PHLDB1: variants seen among roughly 807,000 people sequenced by gnomAD.
PHLDB1 encodes the protein pleckstrin homology like domain family B member 1.
Under a neutral mutation model 139.3 loss-of-function variants are expected in PHLDB1, and 65 were observed. The ratio of observed to expected loss-of-function variants is 0.47; its 90% CI spans 0.38 to 0.57. The LOEUF is 0.57. Among genes scored for constraint, PHLDB1 ranks in the 20% least tolerant of loss-of-function variants. The probability of loss-of-function intolerance (pLI) is 0.00; values close to 1 mark genes in which losing one functional copy is unlikely to be tolerated. For synonymous variants in PHLDB1, 679 were observed against 734.5 expected, an observed-to-expected ratio of 0.92 and a Z score of 1.22; for missense variants, 1,624 against 1,839.7, an observed-to-expected ratio of 0.88 and a Z score of 2.14.
At chr11:118,634,884 CCT>C (rs1945368318) in intron 9 of PHLDB1, 1 of 411,534 alleles carries the variant, frequency 2.4e-6, no homozygotes, top group African/African-American at 2.1e-5. Context: ...CTGTTTCTCC[CCT>C]GTGCCCCGCC....
In PHLDB1 at chr11:118,650,299, A is replaced by G; in HGVS notation, c.3771+106A>G. The G allele has an allele frequency of 9.8e-7, 1 of 1,018,514 alleles. No individual in the cohort carries two copies. The allele number at this position is 1,018,514 out of a possible 1,614,324, so 63.1% of individuals were successfully genotyped here. On this transcript the variant is annotated intron_variant, in intron 19 of 22. Transcript: ENST00000600882. This position sits in a 1 kb window ranked among gnomAD's most constrained non-coding sequence, Gnocchi z 4.7. ...GTGGCGTCAGTCTCTACCCTCACCT[A>G]ACCAGATCTCTGTCCCAGGACCTGG...
intron 4 of PHLDB1, 58 bp from the exon 5 acceptor site, chr11:118,624,876 T>C (rs1943582370): frequency 6.3e-7 from 1 of 1,584,388 alleles, no homozygotes; most frequent in Admixed American, 1.7e-5. Flanking sequence ...TCCAAAAGTG[T>C]TGGGATTACA....
chr11:118,619,266 C>T (rs1285604083), intron 4 of PHLDB1, among the ~76,000 whole-genome samples: 1 of 152,144 alleles, frequency 6.6e-6, no homozygotes, highest in Non-Finnish European at 1.5e-5. Flanking sequence ...GCATTTCCTC[C>T]GAGCCCTGGT....
intron 17 of PHLDB1, chr11:118,646,791 A>T (rs1055349576): frequency 2.0e-5 from 3 of 152,236 alleles, no homozygotes; most frequent in African/African-American, 7.2e-5. Flanking sequence ...TGGGACGCAG[A>T]GAGTAAGGTC....
chr11:118,640,074 C>CAGCT (rs1946269745), intron 12 of PHLDB1: 1 of 807,864 alleles, frequency 1.2e-6, no homozygotes, highest in Non-Finnish European at 1.5e-6. Flanking sequence ...CCCCTGCCTA[C>CAGCT]AGCTCCTCCC....
In PHLDB1 at chr11:118,655,299, G is replaced by C. The variant is rs79053924; in HGVS notation, c.3875-306G>C. ...CAATTTATACTCCCACATGTCATTA[G>C]ACTGCCTCCTTCACCATAGACTTGC... On this transcript the variant is annotated intron_variant, in intron 20 of 22. Coordinates refer to ENST00000600882, the MANE Select transcript of PHLDB1 (RefSeq NM_001144758.3). 2.4e-3 allele frequency: 563 copies of C among 237,752 alleles called. 3 individuals carry two copies. The highest frequency in any genetic ancestry group is 0.012 in the African/African-American group (524 of 44,946). 14.7% of individuals were successfully genotyped at this position (237,752 alleles called of 1,614,324 possible). A position where few individuals can be genotyped will look rare whatever the true frequency, so the allele number is the denominator to read the frequency against.
At chr11:118,633,696 A>G (rs1555113050) in intron 9 of PHLDB1, 2 of 152,212 alleles carry the variant, frequency 1.3e-5, no homozygotes, top group South Asian at 4.1e-4. Context: ...TGAGCCACCT[A>G]TAACACAGGG....
chr11:118,638,813 G>T, intron 10 of PHLDB1, 78 bp from the exon 11 acceptor site: 1 of 1,071,296 alleles, frequency 9.3e-7, no homozygotes. Context: ...GAGTGTCTGG[G>T]CAGGAGAGCC....
In PHLDB1 at chr11:118,647,955, A is replaced by C. The variant is rs532012059; in HGVS notation, c.3533A>C (p.Gln1178Pro). The C allele has an allele frequency of 3.3e-5, 53 of 1,583,790 alleles. No individual in the cohort carries two copies. In the East Asian group the frequency reaches 1.1e-3, roughly 32 times the overall value. Reference protein sequence around the residue: ...SREREMELRRQALEEERRRRE... With the variant: ...SREREMELRRPALEEERRRRE... ...GAGCGGGAGATGGAGCTGCGGCGGC[A>C]GGCCCTGGAGGAGGAGCGGCGGAGG... The change falls in exon 18 of 23, where the codon CAG becomes CCG. Residue 1178 changes from glutamine to proline, a missense_variant. Transcript: ENST00000600882.
intron 13 of PHLDB1, 60 bp downstream of exon 13, chr11:118,642,454 C>G: frequency 6.5e-7 from 1 of 1,546,866 alleles, no homozygotes; most frequent in African/African-American, 1.3e-5. Flanking sequence ...TCTGATACCT[C>G]CTGCCAATCC....
Position 118,639,162 on chromosome 11 carries a change from GAGA to G in PHLDB1, c.2650_2652del (p.Lys884del), listed in dbSNP as rs782112381. The G allele has an allele frequency of 6.8e-6, 11 of 1,614,044 alleles. 1 individual carries two copies. The highest frequency in any genetic ancestry group is 7.6e-6 in the Non-Finnish European group (9 of 1,179,876). ...TGACTCTGCCATTCTGGGCTCGCAG[GAGA>G]AGGAGAAGCTGACTGTGCTGGAAAG... On this transcript the variant is annotated inframe_deletion and splice_region_variant, in exon 12 of 23. Coordinates refer to ENST00000600882, the MANE Select transcript of PHLDB1 (RefSeq NM_001144758.3).
At chr11:118,613,359 A>C (rs1396914146) in intron 1 of PHLDB1, 1 of 987,170 alleles carries the variant, frequency 1.0e-6, no homozygotes, top group East Asian at 1.1e-4. Context: ...AGGTTGCAGG[A>C]GGGAGCTCCT....
At position 118,656,850 on chromosome 11, in the gene PHLDB1, A is replaced by G; in HGVS notation, c.*27A>G. 1 of 1,589,042 alleles carries G rather than the reference A, an allele frequency of 6.3e-7. No homozygotes were observed. The highest frequency in any genetic ancestry group is 8.6e-7 in the Non-Finnish European group (1 of 1,161,418). On this transcript the variant is annotated 3_prime_UTR_variant, in exon 23 of 23. Transcript: ENST00000600882. ...TGCCGTGGGCCTCCTGGCAGAGCAC[A>G]ACTGGGGCTTTTGTATAAGAAGACT...
At chr11:118,625,202 G>GC in intron 5 of PHLDB1, 143 bp downstream of exon 5, 1 of 1,005,642 alleles carries the variant, frequency 9.9e-7, no homozygotes, top group Non-Finnish European at 1.4e-6. Context: ...TGGGCGGGTG[G>GC]AGAATGCCAG....
intron 2 of PHLDB1, among the ~76,000 whole-genome samples, chr11:118,614,198 G>A (rs1468592992): frequency 1.3e-5 from 2 of 151,794 alleles, no homozygotes; most frequent in Non-Finnish European, 2.9e-5. Flanking sequence ...CAATGGCCAC[G>A]TGGATAGCCA....
intron 20 of PHLDB1, chr11:118,654,973 C>T (rs1423141410): frequency 6.6e-6 from 1 of 152,210 alleles, no homozygotes; most frequent in African/African-American, 2.4e-5. Flanking sequence ...CCTCCTCGGC[C>T]TCCCAAAATG....
chr11:118,628,085 C>T lies in PHLDB1; in HGVS notation c.1262C>T (p.Ser421Leu). The T allele has an allele frequency of 3.1e-6, 5 of 1,614,088 alleles. No homozygotes were observed. The highest frequency in any genetic ancestry group is 4.5e-5 in the East Asian group (2 of 44,870). ...GSERVLTTSP[S>L]RQLVGRTFSD... Reference sequence around the variant, plus strand: ...GAGCGGGTGCTAACAACCAGCCCCTCACGCCAACTGGTGGGCCGAACATTT... The same window carrying T: ...GAGCGGGTGCTAACAACCAGCCCCTTACGCCAACTGGTGGGCCGAACATTT... The change falls in exon 6 of 23, where the codon TCA (serine) becomes TTA (leucine). Residue 421 changes from serine to leucine, a missense_variant. Coordinates refer to ENST00000600882, the MANE Select transcript of PHLDB1 (RefSeq NM_001144758.3).
chr11:118,638,540 A>G (rs569536552), intron 10 of PHLDB1, among the ~76,000 whole-genome samples: 10 of 152,290 alleles, frequency 6.6e-5, no homozygotes, highest in African/African-American at 2.4e-4. Flanking sequence ...CCAGGGAAGC[A>G]GAGGGCCTGG....
chr11:118,629,190 G>C (rs1301017198), intron 6 of PHLDB1, among the ~76,000 whole-genome samples: 2 of 152,230 alleles, frequency 1.3e-5, no homozygotes, highest in Non-Finnish European at 2.9e-5. Context: ...AAGTGGGTGG[G>C]AGCTGCTCAT....
Sources: gnomAD v4.1 joint callset for allele counts (sites outside exome capture counted in the v4.1 genomes callset) on GRCh38, gnomAD v4.1.1 for gene constraint, Gnocchi (gnomAD v3.1) non-coding constraint, MANE v1.5 for transcripts, NCBI Gene and HGNC (gene_info 2026-07-23, HGNC 2026-07-21) for gene names.